PLCB1: variants seen among roughly 807,000 people sequenced by gnomAD.
PLCB1 encodes 1-phosphatidylinositol 4,5-bisphosphate phosphodiesterase beta-1.
A neutral mutation model predicts 161.8 loss-of-function variants in PLCB1; 46 were observed. That is an observed-to-expected ratio of 0.28 (90% confidence interval 0.22 to 0.36). The LOEUF (loss-of-function observed/expected upper bound fraction) is 0.36, where lower values mean the gene tolerates loss of function less well. PLCB1 is among the 10% of genes least tolerant of loss of function. PLCB1 has a pLI of 1.00. For synonymous variants in PLCB1, 517 were observed against 503.7 expected (o/e 1.03, Z -0.35); for missense variants, 1,016 against 1,472.5 (o/e 0.69, Z 5.07).
At chr20:8,540,213 A>T (rs1985253858) in intron 3 of PLCB1, among the ~76,000 whole-genome samples, 1 of 152,088 alleles carries the variant, frequency 6.6e-6, no homozygotes, top group African/African-American at 2.4e-5. Flanking sequence ...TGAAGTTCTC[A>T]TTTAGTTTTG....
chr20:8,264,424 TGTATA>T (rs965816593), intron 2 of PLCB1, among the ~76,000 whole-genome samples: 1 of 152,170 alleles, frequency 6.6e-6, no homozygotes, highest in Non-Finnish European at 1.5e-5. Flanking sequence ...AATAATGAAA[TGTATA>T]GTATAGTATA....
At chr20:8,594,541 A>C (rs1987261469) in intron 3 of PLCB1, among the ~76,000 whole-genome samples, 1 of 151,526 alleles carries the variant, frequency 6.6e-6, no homozygotes. Flanking sequence ...CTGGTCCACA[A>C]ACCACATTTT....
intron 2 of PLCB1, among the ~76,000 whole-genome samples, chr20:8,195,596 C>G (rs193261557): frequency 2.0e-5 from 3 of 152,110 alleles, no homozygotes; most frequent in Non-Finnish European, 4.4e-5. Flanking sequence ...GTTAAGTAAA[C>G]GAGAGACCTA....
intron 3 of PLCB1, among the ~76,000 whole-genome samples, chr20:8,531,667 A>G (rs1032294619): frequency 6.6e-6 from 1 of 152,130 alleles, no homozygotes; most frequent in Non-Finnish European, 1.5e-5. Context: ...TATACATTTG[A>G]AAAATTAATC....
At chr20:8,805,113 C>T (rs1333048975) in intron 31 of PLCB1, among the ~76,000 whole-genome samples, 2 of 151,200 alleles carry the variant, frequency 1.3e-5, no homozygotes, top group East Asian at 3.9e-4. Flanking sequence ...CAAGAGTAGT[C>T]ATCACATAAA....
At chr20:8,865,524 T>C (rs1237001207) in intron 31 of PLCB1, among the ~76,000 whole-genome samples, 1 of 152,214 alleles carries the variant, frequency 6.6e-6, no homozygotes, top group African/African-American at 2.4e-5. Context: ...TGACAAACAG[T>C]ACCAAAATAT....
chr20:8,200,101 A>G (rs2052077167), intron 2 of PLCB1, among the ~76,000 whole-genome samples: 1 of 152,148 alleles, frequency 6.6e-6, no homozygotes, highest in Admixed American at 6.6e-5. Context: ...CATTTGCATT[A>G]CTAATATCTT....
chr20:8,504,029 C>T (rs1043448522), intron 3 of PLCB1, among the ~76,000 whole-genome samples: 4 of 152,126 alleles, frequency 2.6e-5, no homozygotes, highest in Admixed American at 2.6e-4. Context: ...AGGGTTGAAG[C>T]AGAGGTGGAG....
At chr20:8,276,133 A>G (rs1229360033) in intron 2 of PLCB1, among the ~76,000 whole-genome samples, 4 of 152,218 alleles carry the variant, frequency 2.6e-5, no homozygotes, top group Non-Finnish European at 4.4e-5. Context: ...AACTTAAAAC[A>G]AAAAAGATTA....
In PLCB1 at chr20:8,765,121, C is replaced by T. The variant is rs186797959; in HGVS notation, c.2711-18C>T. On this transcript the variant is annotated intron_variant, in intron 25 of 31. Coordinates refer to ENST00000338037, the MANE Select transcript of PLCB1 (RefSeq NM_015192.4). ...TCAGCCCTCCCATTCCCTTAGCTTT[C>T]ATATTCATTTGTTGCAGAAGTGGAA... 1.8e-3 allele frequency: 2,872 copies of T among 1,599,896 alleles called. 6 individuals carry two copies. Among genetic ancestry groups the T allele is most frequent in the Middle Eastern group, 0.017 (99 of 5,978 alleles).
intron 3 of PLCB1, among the ~76,000 whole-genome samples, chr20:8,466,338 G>C (rs1238229): frequency 3.0e-5 from 4 of 131,286 alleles, no homozygotes; most frequent in Admixed American, 2.3e-4. Context: ...GTGGGGGAGG[G>C]GGGAGGGATA....
rs564107856 is a variant in PLCB1 at position 8,879,924 on chromosome 20, G to T, written c.3424-1698G>T. The stretch of plus-strand genomic sequence containing the variant: ...ATCAAGACAAAAAGTAGAACTGGGG[G>T]CTGAGAGTAGAACCCAGACAGGGAG... On this transcript the variant is annotated intron_variant, in intron 31 of 31. Transcript: ENST00000338037. Among the ~76,000 whole-genome samples, 4 of 152,200 alleles carry T rather than the reference G, an allele frequency of 2.6e-5. No individual in the cohort carries two copies. The East Asian group carries it at 5.8e-4, about 22-fold the overall frequency.
chr20:8,788,630 C>T lies in PLCB1; in HGVS notation c.3189-3C>T. The stretch of plus-strand genomic sequence containing the variant: ...TTCTCTTTTACTTCCATTGTGACTT[C>T]AGAGAAAAGAAAGAATTAAAGAAGA... On this transcript the variant is annotated splice_polypyrimidine_tract_variant and splice_region_variant and intron_variant, in intron 28 of 31. Transcript: ENST00000338037. The T allele has an allele frequency of 6.2e-7, 1 of 1,603,750 alleles. No homozygotes were observed. The highest frequency in any genetic ancestry group is 2.2e-5 in the East Asian group (1 of 44,740).
chr20:8,498,084 T>C (rs1301481679), intron 3 of PLCB1, among the ~76,000 whole-genome samples: 1 of 152,156 alleles, frequency 6.6e-6, no homozygotes, highest in African/African-American at 2.4e-5. Context: ...AATCAAAATA[T>C]GCCTTTATGG....
At chr20:8,849,180 C>T (rs1986799471) in intron 31 of PLCB1, among the ~76,000 whole-genome samples, 1 of 152,166 alleles carries the variant, frequency 6.6e-6, no homozygotes, top group Non-Finnish European at 1.5e-5. Flanking sequence ...CAAGTGGGCA[C>T]TGCTTCCCAT....
intron 2 of PLCB1, among the ~76,000 whole-genome samples, chr20:8,281,786 T>C (rs1982888168): frequency 2.0e-5 from 3 of 152,140 alleles, no homozygotes; most frequent in Admixed American, 1.3e-4. Flanking sequence ...TTTTTTAACA[T>C]TGTACTGTAA....
intron 3 of PLCB1, among the ~76,000 whole-genome samples, chr20:8,565,644 C>G (rs2123036058): frequency 6.6e-6 from 1 of 152,082 alleles, no homozygotes; most frequent in African/African-American, 2.4e-5. Context: ...TCTCCTTTCT[C>G]TGGAAATGTA....
chr20:8,412,621 G>A (rs182774320), intron 3 of PLCB1, among the ~76,000 whole-genome samples: 10 of 152,234 alleles, frequency 6.6e-5, no homozygotes, highest in Non-Finnish European at 1.5e-5. Flanking sequence ...ACCTCCTTGT[G>A]CTTCCTCATC....
chr20:8,666,361 A>G (rs1989812106), intron 9 of PLCB1, among the ~76,000 whole-genome samples: 1 of 152,170 alleles, frequency 6.6e-6, no homozygotes, highest in African/African-American at 2.4e-5. Flanking sequence ...TTTTCTATAA[A>G]TGGCCTTAAG....
Sources: gnomAD v4.1 joint callset for allele counts (sites outside exome capture counted in the v4.1 genomes callset) on GRCh38, gnomAD v4.1.1 for gene constraint, MANE v1.5 for transcripts, NCBI Gene and HGNC (gene_info 2026-07-23, HGNC 2026-07-21) for gene names.